The following DENND5A variants were observed in gnomAD, a reference collection of about 807,000 sequenced individuals.
DENND5A encodes DENN domain containing 5A.
DENND5A carries 64 observed loss-of-function variants against 140.3 expected under a neutral mutation model. The observed-to-expected ratio is 0.46, with a 90% CI of 0.37 to 0.56. The LOEUF (loss-of-function observed/expected upper bound fraction) is 0.56. Among genes scored for constraint, DENND5A ranks in the 20% least tolerant of loss-of-function variants. The pLI is 0.00. For missense variants in DENND5A, 1,292 were observed against 1,593.8 expected, an observed-to-expected ratio of 0.81 and a Z score of 3.22; for synonymous variants, 605 against 607.7, an observed-to-expected ratio of 1.00 and a Z score of 0.07.
At chr11:9,243,118 T>TAAAAAA (rs1478042311) in intron 1 of DENND5A, among the ~76,000 whole-genome samples, 5 of 77,492 alleles carry the variant, frequency 6.5e-5, no homozygotes, top group Admixed American at 1.5e-4. Flanking sequence ...AAAAAAAAAC[T>TAAAAAA]GAGGCGAGTA....
intron 1 of DENND5A, among the ~76,000 whole-genome samples, chr11:9,248,008 G>C (rs1381671981): frequency 6.6e-6 from 1 of 152,112 alleles, no homozygotes; most frequent in African/African-American, 2.4e-5. Context: ...TTGTTTTTGA[G>C]ACAGGATCTT....
intron 10 of DENND5A, among the ~76,000 whole-genome samples, chr11:9,169,635 G>A (rs977583186): frequency 6.6e-6 from 1 of 151,820 alleles, no homozygotes; most frequent in African/African-American, 2.4e-5. Flanking sequence ...AATTACAATC[G>A]GTTAGTAGCT....
intron 21 of DENND5A, 62 bp from the exon 22 acceptor site, chr11:9,142,170 C>T: frequency 2.8e-6 from 4 of 1,422,324 alleles, no homozygotes; most frequent in Non-Finnish European, 2.8e-6. Flanking sequence ...GACGGTCCTA[C>T]AGGCCACTTG....
At position 9,145,786 on chromosome 11, in the gene DENND5A, T is replaced by C. The variant is rs764522991; in HGVS notation, c.2887A>G (p.Ser963Gly). ...LIPYHILIVP[S>G]KKLGGSMFTA... ...AACATGGAGCCCCCCAGCTTCTTGC[T>C]TGGTACGATCAGAATGTGGTACGGG... The change falls in exon 17 of 23, where the codon AGC becomes GGC. Residue 963 changes from serine to glycine, a missense_variant. By Grantham distance (56) the Ser-to-Gly change is moderately conservative. Around this residue, in one of 4 missense-constraint regions of DENND5A, gnomAD observed 498 missense variants for 689.7 expected, o/e 0.72. Coordinates refer to ENST00000328194, the MANE Select transcript of DENND5A (RefSeq NM_015213.4). The C allele has an allele frequency of 4.3e-6, 7 of 1,614,060 alleles. No homozygotes were observed. The Admixed American group carries it at 8.3e-5, about 19-fold the overall frequency.
intron 1 of DENND5A, among the ~76,000 whole-genome samples, chr11:9,234,423 T>A (rs1174704708): frequency 6.6e-6 from 1 of 151,930 alleles, no homozygotes; most frequent in Non-Finnish European, 1.5e-5. Flanking sequence ...TGAGTAGTAG[T>A]CAACGAAATA....
Position 9,185,091 on chromosome 11 carries a change from T to C in DENND5A, c.1138-4007A>G, listed in dbSNP as rs184530601. Among the ~76,000 whole-genome samples the C allele has an allele frequency of 2.4e-4, 37 of 152,280 alleles. No individual in the cohort carries two copies. The East Asian group carries it at 6.0e-3, about 25-fold the overall frequency. On this transcript the variant is annotated intron_variant, in intron 5 of 22. Transcript: ENST00000328194. ...CTGTAATCCCAGCTACTTGGGAGGCTGAGGCAGGAGAATCATATGAACCCA... is the reference window on the plus strand; with the variant it reads ...CTGTAATCCCAGCTACTTGGGAGGCCGAGGCAGGAGAATCATATGAACCCA...
chr11:9,224,234 C>T (rs1219264688), intron 1 of DENND5A, among the ~76,000 whole-genome samples: 3 of 151,978 alleles, frequency 2.0e-5, no homozygotes, highest in African/African-American at 7.3e-5. Flanking sequence ...AAACAACATG[C>T]CTAAAGGAAG....
chr11:9,175,086 T>A (rs531228385), intron 8 of DENND5A, among the ~76,000 whole-genome samples: 1 of 152,138 alleles, frequency 6.6e-6, no homozygotes, highest in Non-Finnish European at 1.5e-5. Context: ...GAAAATCTGA[T>A]GGATGTACAA....
At chr11:9,166,015 C>A (rs374972930) in intron 10 of DENND5A, 48 bp from the exon 11 acceptor site, 1 of 1,601,042 alleles carries the variant, frequency 6.2e-7, no homozygotes, top group East Asian at 2.2e-5. Context: ...TGTACATAAA[C>A]CAAAGGTCAG....
intron 5 of DENND5A, among the ~76,000 whole-genome samples, chr11:9,190,782 T>C (rs1225483069): frequency 6.6e-6 from 1 of 152,212 alleles, no homozygotes; most frequent in African/African-American, 2.4e-5. Context: ...GAGGTAATTT[T>C]AATTTTATTG....
At chr11:9,161,111 G>T (rs1272200340) in intron 11 of DENND5A, among the ~76,000 whole-genome samples, 1 of 152,180 alleles carries the variant, frequency 6.6e-6, no homozygotes, top group African/African-American at 2.4e-5. Flanking sequence ...ACTCTGGGAG[G>T]CCTAGTTGGG....
intron 10 of DENND5A, among the ~76,000 whole-genome samples, chr11:9,167,514 G>A (rs999825513): frequency 1.3e-5 from 2 of 150,498 alleles, no homozygotes; most frequent in Non-Finnish European, 1.5e-5. Flanking sequence ...ACAGCCAGGA[G>A]CAGTGACTCT....
At chr11:9,177,307 A>G (rs1848576965) in intron 8 of DENND5A, among the ~76,000 whole-genome samples, 1 of 151,026 alleles carries the variant, frequency 6.6e-6, no homozygotes, top group Non-Finnish European at 1.5e-5. Flanking sequence ...TGGTGAATAT[A>G]GCCGGCATCA....
intron 16 of DENND5A, 123 bp from the exon 17 acceptor site, chr11:9,145,938 G>C: frequency 9.3e-7 from 1 of 1,072,138 alleles, no homozygotes; most frequent in Admixed American, 2.0e-5. Flanking sequence ...AGCTCAAGCA[G>C]AGCCCTGGAA....
intron 10 of DENND5A, among the ~76,000 whole-genome samples, chr11:9,169,158 C>T (rs1848283955): frequency 6.6e-6 from 1 of 152,140 alleles, no homozygotes; most frequent in African/African-American, 2.4e-5. Context: ...AAATTAACTT[C>T]TTTCTGGGCT....
intron 8 of DENND5A, chr11:9,171,603 G>A (rs1848376159): frequency 6.6e-6 from 1 of 151,860 alleles, no homozygotes; most frequent in Non-Finnish European, 1.5e-5. Context: ...GCTTACGCCT[G>A]TAATCCCAGC....
At chr11:9,236,949 A>G (rs1201554021) in intron 1 of DENND5A, among the ~76,000 whole-genome samples, 1 of 152,208 alleles carries the variant, frequency 6.6e-6, no homozygotes, top group Non-Finnish European at 1.5e-5. Context: ...TTTAGAACAC[A>G]TACAACAAAA....
intron 4 of DENND5A, among the ~76,000 whole-genome samples, chr11:9,201,069 T>A (rs938338838): frequency 6.6e-6 from 1 of 152,108 alleles, no homozygotes; most frequent in Non-Finnish European, 1.5e-5. Context: ...TAAAAATCTA[T>A]GAATCCATAC....
chr11:9,192,193 C>G (rs1458775529), intron 5 of DENND5A, among the ~76,000 whole-genome samples: 1 of 152,158 alleles, frequency 6.6e-6, no homozygotes, highest in Non-Finnish European at 1.5e-5. Flanking sequence ...ATTTAAATAT[C>G]ACAGACATGG....
Sources: gnomAD v4.1 joint callset for allele counts (sites outside exome capture counted in the v4.1 genomes callset) on GRCh38, gnomAD v4.1.1 for gene constraint, gnomAD v4.1.1 regional missense constraint, MANE v1.5 for transcripts, NCBI Gene and HGNC (gene_info 2026-07-23, HGNC 2026-07-21) for gene names.